Variants in NRXN3 observed in about 807,000 individuals in gnomAD.
NRXN3 encodes the protein neurexin 3, also known as neurexin III.
NRXN3 carries 32 observed loss-of-function variants against 137.6 expected under a neutral mutation model. That is an observed-to-expected ratio of 0.23 (90% CI 0.18 to 0.31). The LOEUF is 0.31. Among genes scored for constraint, NRXN3 ranks in the 10% least tolerant of loss-of-function variants. The probability of loss-of-function intolerance (pLI) is 1.00; values close to 1 mark genes in which losing one functional copy is unlikely to be tolerated. For missense variants in NRXN3, 1,574 were observed against 2,062.5 expected (o/e 0.76, Z 4.59); for synonymous variants, 798 against 784.5 (o/e 1.02, Z -0.29).
chr14:78,679,478 T>A (rs2098049915), intron 6 of NRXN3, among the ~76,000 whole-genome samples: 1 of 152,222 alleles, frequency 6.6e-6, no homozygotes, highest in Admixed American at 6.5e-5. Context: ...AAAGCCCAAC[T>A]GTGCAACAGA....
intron 8 of NRXN3, among the ~76,000 whole-genome samples, chr14:78,726,201 T>C (rs2098482527): frequency 6.6e-6 from 1 of 152,220 alleles, no homozygotes; most frequent in Non-Finnish European, 1.5e-5. Flanking sequence ...TGTTCCTTTT[T>C]TTATTATACT....
chr14:78,222,161 G>A (rs2063918084), intron 1 of NRXN3, among the ~76,000 whole-genome samples: 1 of 152,150 alleles, frequency 6.6e-6, no homozygotes, highest in South Asian at 2.1e-4. Flanking sequence ...GATTAGAGAA[G>A]GCATAGCTTT....
At chr14:78,420,096 A>G (rs948047607) in intron 4 of NRXN3, among the ~76,000 whole-genome samples, 1 of 152,162 alleles carries the variant, frequency 6.6e-6, no homozygotes, top group African/African-American at 2.4e-5. Context: ...AAGATGGAAA[A>G]AAAAGGTAAA....
chr14:78,375,216 G>A (rs1472348481), intron 4 of NRXN3, among the ~76,000 whole-genome samples: 1 of 152,120 alleles, frequency 6.6e-6, no homozygotes, highest in Non-Finnish European at 1.5e-5. Context: ...CTGTTAAAGT[G>A]TTTCTATTTA....
chr14:79,410,169 TAA>T (rs887557776), intron 15 of NRXN3, among the ~76,000 whole-genome samples: 1 of 151,852 alleles, frequency 6.6e-6, no homozygotes, highest in African/African-American at 2.4e-5. Context: ...CTCATTACCG[TAA>T]AATATAATGC....
chr14:79,099,531 T>C (rs1239497222), intron 15 of NRXN3, among the ~76,000 whole-genome samples: 1 of 152,162 alleles, frequency 6.6e-6, no homozygotes, highest in Non-Finnish European at 1.5e-5. Flanking sequence ...TTTTAAAATG[T>C]TATGGGGAAG....
chr14:78,888,095 C>T (rs990601700), intron 10 of NRXN3, among the ~76,000 whole-genome samples: 1 of 152,080 alleles, frequency 6.6e-6, no homozygotes, highest in Non-Finnish European at 1.5e-5. Context: ...GCCAGATATG[C>T]ACTGACATTT....
chr14:79,599,794 A>G (rs1210659803), intron 16 of NRXN3, among the ~76,000 whole-genome samples: 1 of 152,200 alleles, frequency 6.6e-6, no homozygotes, highest in Non-Finnish European at 1.5e-5. Context: ...CAGGAGTTCA[A>G]GACCGGCCTG....
chr14:78,853,792 C>A (rs929596910), intron 10 of NRXN3, among the ~76,000 whole-genome samples: 1 of 152,178 alleles, frequency 6.6e-6, no homozygotes, highest in Non-Finnish European at 1.5e-5. Context: ...CTGACTTCTA[C>A]CCTTCCCTTT....
At chr14:78,841,255 G>A (rs2099011554) in intron 10 of NRXN3, among the ~76,000 whole-genome samples, 1 of 152,016 alleles carries the variant, frequency 6.6e-6, no homozygotes, top group African/African-American at 2.4e-5. Flanking sequence ...TCTGTCTTTG[G>A]CTTTGTTGGT....
chr14:78,888,848 T>TACACACACATACACACACACACAC lies in NRXN3; in HGVS notation c.2276-68385_2276-68384insTACACACACACACACACACACACA, dbSNP rs138583318. Among the ~76,000 whole-genome samples the TACACACACATACACACACACACAC allele has an allele frequency of 7.2e-3, 1,057 of 146,406 alleles. 9 individuals are homozygous for TACACACACATACACACACACACAC. The highest frequency in any genetic ancestry group is 0.016 in the African/African-American group (634 of 39,750). On this transcript the variant is annotated intron_variant, in intron 10 of 20. Transcript: ENST00000335750. The stretch of plus-strand genomic sequence containing the variant: ...CTAGTTGGGAGAGTAATCACACACA[T>TACACACACATACACACACACACAC]ACACACACACACACACACACACACC...
chr14:79,154,644 C>T (rs2060093550), intron 15 of NRXN3, among the ~76,000 whole-genome samples: 2 of 151,910 alleles, frequency 1.3e-5, no homozygotes, highest in East Asian at 1.9e-4. Flanking sequence ...CTCTAGACTG[C>T]AGTTTTCTCA....
intron 7 of NRXN3, among the ~76,000 whole-genome samples, chr14:78,713,898 G>A (rs2098420226): frequency 6.6e-6 from 1 of 152,168 alleles, no homozygotes; most frequent in African/African-American, 2.4e-5. Flanking sequence ...CAGGGATTAT[G>A]GGAATGGCAA....
intron 8 of NRXN3, among the ~76,000 whole-genome samples, chr14:78,790,060 C>G (rs2098800568): frequency 6.6e-6 from 1 of 152,068 alleles, no homozygotes; most frequent in Non-Finnish European, 1.5e-5. Flanking sequence ...TTATTGCAAG[C>G]AGTTGATAGA....
At chr14:78,917,557 G>C (rs1419410031) in intron 10 of NRXN3, among the ~76,000 whole-genome samples, 1 of 152,190 alleles carries the variant, frequency 6.6e-6, no homozygotes, top group Non-Finnish European at 1.5e-5. Context: ...CATTATTTAG[G>C]TGTCAGGCAT....
chr14:79,799,525 A>G (rs544000551), intron 19 of NRXN3, among the ~76,000 whole-genome samples: 5 of 152,198 alleles, frequency 3.3e-5, no homozygotes, highest in Admixed American at 6.5e-5. Context: ...TAAGTTTTCA[A>G]GAACAACATA....
chr14:79,238,516 G>T (rs150106637), intron 15 of NRXN3, among the ~76,000 whole-genome samples: 1 of 151,984 alleles, frequency 6.6e-6, no homozygotes, highest in Non-Finnish European at 1.5e-5. Flanking sequence ...AGTCTTGTAC[G>T]TTCCAAGGTC....
At chr14:79,326,160 T>G (rs1000206882) in intron 15 of NRXN3, among the ~76,000 whole-genome samples, 6 of 152,208 alleles carry the variant, frequency 3.9e-5, no homozygotes, top group African/African-American at 1.4e-4. Flanking sequence ...TTACATAATT[T>G]AAGACTTGGA....
intron 17 of NRXN3, among the ~76,000 whole-genome samples, chr14:79,676,425 G>A (rs982627962): frequency 2.0e-5 from 3 of 151,320 alleles, no homozygotes; most frequent in African/African-American, 7.3e-5. Context: ...TTGCTTTTTG[G>A]ATTCCAAAAA....
Sources: gnomAD v4.1 joint callset for allele counts (sites outside exome capture counted in the v4.1 genomes callset) on GRCh38, gnomAD v4.1.1 for gene constraint, MANE v1.5 for transcripts, NCBI Gene and HGNC (gene_info 2026-07-23, HGNC 2026-07-21) for gene names.